GEMIN5: variants seen among roughly 807,000 people sequenced by gnomAD.
The protein encoded by GEMIN5 is gem-associated protein 5.
GEMIN5 carries 124 observed loss-of-function variants against 176.9 expected under a neutral mutation model. That is an observed-to-expected ratio of 0.70 (90% CI 0.61 to 0.81). The LOEUF is 0.81. GEMIN5 is among the 40% of genes least tolerant of loss of function. The probability of loss-of-function intolerance (pLI) is 0.00; values close to 1 mark genes in which losing one functional copy is unlikely to be tolerated. For synonymous variants in GEMIN5, 673 were observed against 665.2 expected, an observed-to-expected ratio of 1.01 and a Z score of -0.18; for missense variants, 1,843 against 1,814.6, an observed-to-expected ratio of 1.02 and a Z score of -0.28.
intron 8 of GEMIN5, among the ~76,000 whole-genome samples, chr5:154,925,413 A>C (rs1764008929): frequency 1.3e-5 from 2 of 152,204 alleles, no homozygotes; most frequent in African/African-American, 4.8e-5. Flanking sequence ...GCCAAAAGAA[A>C]GGTATCATTT....
chr5:154,905,541 T>C (rs956793928), intron 16 of GEMIN5, 65 bp from the exon 17 acceptor site: 6 of 756,976 alleles, frequency 7.9e-6, no homozygotes, highest in Non-Finnish European at 1.3e-5. Flanking sequence ...TTTCAGTTCT[T>C]TGTAAAAATT....
At chr5:154,906,292 G>C (rs535312664) in intron 16 of GEMIN5, among the ~76,000 whole-genome samples, 1 of 152,098 alleles carries the variant, frequency 6.6e-6, no homozygotes, top group Non-Finnish European at 1.5e-5. Context: ...CACCATGCCC[G>C]CCTTACTTTG....
Position 154,912,918 on chromosome 5 carries a change from G to C in GEMIN5, c.1976C>G (p.Ser659Cys). The part of the protein sequence containing the change: ...PHHDGRLVSA[S>C]YDGTAQVWDA... ...TAGTACCTGGGCTGTACCATCATAG[G>C]AAGCAGATACCAGCCTTCCATCATG... Residue 659 changes from serine to cysteine, a missense_variant, in exon 14 of 28, where the codon TCC (serine) becomes TGC (cysteine). Ser to Cys is a moderately radical substitution (Grantham distance 112). Coordinates refer to ENST00000285873, the MANE Select transcript of GEMIN5 (RefSeq NM_015465.5). The C allele has an allele frequency of 6.2e-7, 1 of 1,613,896 alleles. No homozygotes were observed. The highest frequency in any genetic ancestry group is 8.5e-7 in the Non-Finnish European group (1 of 1,179,868).
At chr5:154,902,873 G>A (rs932756674) in intron 19 of GEMIN5, among the ~76,000 whole-genome samples, 197 bp from the exon 20 acceptor site, 3 of 152,200 alleles carry the variant, frequency 2.0e-5, no homozygotes, top group Non-Finnish European at 4.4e-5. Context: ...ACCTTCACAT[G>A]TACTCAGAGT....
intron 23 of GEMIN5, among the ~76,000 whole-genome samples, chr5:154,896,786 G>C (rs927648870): frequency 2.0e-5 from 3 of 152,176 alleles, no homozygotes; most frequent in South Asian, 4.1e-4. Flanking sequence ...CCAAGAGCTG[G>C]GACAGGCATT....
chr5:154,891,729 T>TAGGTGG lies in GEMIN5; in HGVS notation c.3768_3773dup (p.His1257_Leu1258dup), dbSNP rs1763232747. 1 of 1,593,086 alleles carries TAGGTGG rather than the reference T, an allele frequency of 6.3e-7. No individual in the cohort carries two copies. The highest frequency in any genetic ancestry group is 1.9e-5 in the Admixed American group (1 of 53,918). The stretch of plus-strand genomic sequence containing the variant: ...ATTGATGGTCCCCCAACTTGTCTCT[T>TAGGTGG]AGGTGGTCACAGCCTAGGAAAAGAG... On this transcript the variant is annotated inframe_insertion, in exon 26 of 28. Coordinates refer to ENST00000285873, the MANE Select transcript of GEMIN5 (RefSeq NM_015465.5).
chr5:154,888,419 A>C, intron 27 of GEMIN5, 42 bp from the exon 28 acceptor site: 1 of 1,577,098 alleles, frequency 6.3e-7, no homozygotes, highest in Non-Finnish European at 8.7e-7. Context: ...AAGCATTTGC[A>C]GAAGAGCCAC....
At chr5:154,933,230 T>C (rs1185313702) in intron 3 of GEMIN5, among the ~76,000 whole-genome samples, 2 of 152,252 alleles carry the variant, frequency 1.3e-5, no homozygotes, top group Non-Finnish European at 2.9e-5. Context: ...AATTGTGTTA[T>C]ATCATTCCTA....
intron 16 of GEMIN5, 87 bp downstream of exon 16, chr5:154,907,504 G>T: frequency 1.2e-6 from 1 of 800,426 alleles, no homozygotes; most frequent in Non-Finnish European, 2.0e-6. Flanking sequence ...AATGGGAACA[G>T]CGAAGTTTCA....
chr5:154,925,896 T>G lies in GEMIN5; in HGVS notation c.1259A>C (p.Asn420Thr), dbSNP rs769324168. ...CTTGGACTTCACGCCTTGCCAAAAA[T>G]TTTTCACATCATAGTTGTTCTTTAT... ...LSIKNNYDVK[N>T]FWQGVKSKVT... is the part of the protein sequence containing the mutation. Residue 420 changes from asparagine to threonine, a missense_variant, in exon 8 of 28, where the codon AAT becomes ACT. By Grantham distance (65) the Asn-to-Thr change is moderately conservative. Coordinates refer to ENST00000285873, the MANE Select transcript of GEMIN5 (RefSeq NM_015465.5). The G allele has an allele frequency of 8.1e-6, 13 of 1,613,470 alleles. No individual in the cohort carries two copies. The highest frequency in any genetic ancestry group is 1.6e-4 in the Middle Eastern group (1 of 6,078).
intron 9 of GEMIN5, among the ~76,000 whole-genome samples, chr5:154,922,659 G>A (rs1049965904): frequency 1.3e-5 from 2 of 150,874 alleles, no homozygotes; most frequent in African/African-American, 4.9e-5. Flanking sequence ...AGTTTTATTT[G>A]ATTAAAAACA....
chr5:154,930,308 C>T (rs545212562), intron 5 of GEMIN5, among the ~76,000 whole-genome samples: 115 of 152,344 alleles, frequency 7.5e-4, no homozygotes, highest in African/African-American at 2.5e-3. Context: ...CCCTCCCCTC[C>T]GTTGTCCAAG....
chr5:154,913,119 C>T (rs1434898179), intron 13 of GEMIN5, 81 bp from the exon 14 acceptor site: 2 of 1,180,306 alleles, frequency 1.7e-6, no homozygotes, highest in Non-Finnish European at 2.4e-6. Flanking sequence ...AAGGCATTCA[C>T]ATGACAAGAA....
chr5:154,925,819 G>C (rs370874324), intron 8 of GEMIN5, 43 bp downstream of exon 8: 79 of 1,010,812 alleles, frequency 7.8e-5, no homozygotes, highest in Non-Finnish European at 1.1e-4. Context: ...GAATTATTTG[G>C]AAAAAAAAAA....
chr5:154,904,486 C>G, intron 18 of GEMIN5, 21 bp downstream of exon 18: 1 of 1,610,756 alleles, frequency 6.2e-7, no homozygotes, highest in Non-Finnish European at 8.5e-7. Context: ...ATGGATGGGC[C>G]AAGGAAGTAC....
At chr5:154,932,631 C>T (rs572675697) in intron 3 of GEMIN5, among the ~76,000 whole-genome samples, 1 of 152,148 alleles carries the variant, frequency 6.6e-6, no homozygotes, top group Non-Finnish European at 1.5e-5. Context: ...GGCACAATCA[C>T]CACTTACTGC....
chr5:154,926,204 A>T, intron 7 of GEMIN5, 130 bp from the exon 8 acceptor site: 1 of 613,326 alleles, frequency 1.6e-6, no homozygotes, highest in Non-Finnish European at 2.9e-6. Context: ...CAGGAATTGA[A>T]GAAAGCACTG....
intron 24 of GEMIN5, among the ~76,000 whole-genome samples, chr5:154,893,875 CTG>C (rs1763292426): frequency 6.6e-6 from 1 of 152,202 alleles, no homozygotes; most frequent in Non-Finnish European, 1.5e-5. Context: ...TCCAGAGTGG[CTG>C]GGACTACAGG....
intron 11 of GEMIN5, among the ~76,000 whole-genome samples, 177 bp from the exon 12 acceptor site, chr5:154,918,181 T>A (rs1224038517): frequency 6.6e-6 from 1 of 152,200 alleles, no homozygotes; most frequent in Non-Finnish European, 1.5e-5. Context: ...CTAATTCTCA[T>A]TTCCTAACTG....
Sources: gnomAD v4.1 joint callset for allele counts (sites outside exome capture counted in the v4.1 genomes callset) on GRCh38, gnomAD v4.1.1 for gene constraint, MANE v1.5 for transcripts, NCBI Gene and HGNC (gene_info 2026-07-23, HGNC 2026-07-21) for gene names.